The following ATOH8 variants were observed in gnomAD, a reference collection of about 807,000 sequenced individuals.
The protein encoded by ATOH8 is transcription factor ATOH8.
ATOH8 carries 9 observed loss-of-function variants against 21.2 expected under a neutral mutation model. The ratio of observed to expected loss-of-function variants is 0.42; its 90% CI spans 0.26 to 0.74. The LOEUF is 0.74. ATOH8 is among the 30% of genes least tolerant of loss of function. The pLI is 0.24. For synonymous variants in ATOH8, 253 were observed against 224.0 expected, an observed-to-expected ratio of 1.13 and a Z score of -1.16; for missense variants, 524 against 470.9, an observed-to-expected ratio of 1.11 and a Z score of -1.04.
At chr2:85,775,879 A>G (rs1385196906) in intron 2 of ATOH8, among the ~76,000 whole-genome samples, 1 of 152,140 alleles carries the variant, frequency 6.6e-6, no homozygotes, top group Non-Finnish European at 1.5e-5. Context: ...AACTGTTGTC[A>G]TTACCTTAAC....
chr2:85,779,038 CGGGTGCCTCCTCCAGCCT>C (rs1402462044), intron 2 of ATOH8, among the ~76,000 whole-genome samples: 27 of 151,336 alleles, frequency 1.8e-4, no homozygotes, highest in African/African-American at 5.1e-4. Context: ...TACTCCAGCC[CGGGTGCCTCCTCCAGCCT>C]GGGTGCCTCC....
In ATOH8 at chr2:85,791,309, C is replaced by T. The variant is rs7605132; in HGVS notation, c.*4419C>T. Among the ~76,000 whole-genome samples the T allele has an allele frequency of 0.073, 11,051 of 152,256 alleles. 1,350 individuals carry two copies. The highest frequency in any genetic ancestry group is 0.25 in the African/African-American group (10,534 of 41,502). ...CTAATTCAACCCCTGATCCTCGAAA[C>T]GGCTTTCTTGCAAAGTGTATATATT... On this transcript the variant is annotated 3_prime_UTR_variant, in exon 3 of 3. Coordinates refer to ENST00000306279, the MANE Select transcript of ATOH8 (RefSeq NM_032827.7).
chr2:85,764,534 A>G (rs1388825373), intron 2 of ATOH8, among the ~76,000 whole-genome samples: 1 of 152,208 alleles, frequency 6.6e-6, no homozygotes. Flanking sequence ...ATGTCATACC[A>G]GGACAAGATT....
At chr2:85,781,108 C>G (rs1680476348) in intron 2 of ATOH8, 1 of 984,846 alleles carries the variant, frequency 1.0e-6, no homozygotes, top group Admixed American at 6.1e-5. Context: ...AAGAAAACAC[C>G]AGTGCAGCTT....
chr2:85,775,021 C>G (rs1445393263), intron 2 of ATOH8: 1 of 985,282 alleles, frequency 1.0e-6, no homozygotes, highest in South Asian at 4.7e-5. Flanking sequence ...ATGTGATATG[C>G]TTTTAAAGTA....
chr2:85,769,160 A>G (rs1180081999), intron 2 of ATOH8, among the ~76,000 whole-genome samples: 1 of 151,174 alleles, frequency 6.6e-6, no homozygotes, highest in Non-Finnish European at 1.5e-5. Context: ...ATTTTGCACA[A>G]ACCAGGGCAT....
intron 2 of ATOH8, chr2:85,772,767 T>C (rs2104520966): frequency 2.2e-6 from 1 of 456,890 alleles, no homozygotes; most frequent in Non-Finnish European, 4.4e-6. Flanking sequence ...AATTCTTGTT[T>C]CTCAGGCGCC....
At chr2:85,754,994 G>A (rs1453807540) in intron 1 of ATOH8, 37 bp downstream of exon 1, 1 of 1,547,192 alleles carries the variant, frequency 6.5e-7, no homozygotes, top group Non-Finnish European at 8.7e-7. Context: ...ACTGCGCCGG[G>A]GGACGACTGC....
chr2:85,768,977 G>A (rs1022361309), intron 2 of ATOH8, among the ~76,000 whole-genome samples: 4 of 152,186 alleles, frequency 2.6e-5, no homozygotes, highest in African/African-American at 4.8e-5. Flanking sequence ...GATAATGCAC[G>A]TTAAGCACCT....
intron 2 of ATOH8, among the ~76,000 whole-genome samples, chr2:85,772,417 C>A (rs891994481): frequency 6.6e-6 from 1 of 152,070 alleles, no homozygotes; most frequent in African/African-American, 2.4e-5. Flanking sequence ...GCGGCCCCCC[C>A]TCCTGGCAGC....
At position 85,789,942 on chromosome 2, in the gene ATOH8, T is replaced by C. The variant is rs1914821; in HGVS notation, c.*3052T>C. 0.5 allele frequency among the ~76,000 whole-genome samples: 75,519 copies of C among 152,072 alleles called. 20,327 individuals carry two copies. The highest frequency in any genetic ancestry group is 0.7 in the African/African-American group (29,183 of 41,454). ...TTGTGTTCGTATGCACACACATGCA[T>C]ACTCTCTCTCATGGGCACATGCATA... On this transcript the variant is annotated 3_prime_UTR_variant, in exon 3 of 3. Transcript: ENST00000306279.
In ATOH8 at chr2:85,788,203, GTGTC is replaced by G. The variant is rs1247585517; in HGVS notation, c.*1317_*1320del. ...AGGCGCTGTCCGAGTGAGAGTGTGTGTGTCTGTGTGTGGAAGGGGGTGGAGGGCG... is the reference window on the plus strand; with the variant it reads ...AGGCGCTGTCCGAGTGAGAGTGTGTGTGTGTGTGGAAGGGGGTGGAGGGCG... On this transcript the variant is annotated 3_prime_UTR_variant, in exon 3 of 3. Coordinates refer to ENST00000306279, the MANE Select transcript of ATOH8 (RefSeq NM_032827.7). 6.6e-6 allele frequency: 1 copy of G among 152,188 alleles called. No homozygotes were observed. Among genetic ancestry groups the G allele is most frequent in the Non-Finnish European group, 1.5e-5 (1 of 68,114 alleles). 9.4% of individuals were successfully genotyped at this position (152,188 alleles called of 1,614,324 possible).
chr2:85,763,821 C>CGTGTGTGTGTGTGTGTGT (rs61491730), intron 1 of ATOH8, among the ~76,000 whole-genome samples, 170 bp from the exon 2 acceptor site: 22 of 143,868 alleles, frequency 1.5e-4, no homozygotes, highest in Middle Eastern at 3.5e-3. Flanking sequence ...GATGAGCTGA[C>CGTGTGTGTGTGTGTGTGT]GTGTGTGTGT....
In ATOH8 at chr2:85,754,739, C is replaced by G. The variant is rs751905216; in HGVS notation, c.550C>G (p.Pro184Ala). Residue 184 changes from proline (P) to alanine (A), a missense_variant, in exon 1 of 3, where the codon CCG (proline) becomes GCG (alanine). Transcript: ENST00000306279. ...GGAGTCCACTGTGCGCCCTGCGCCC[C>G]CGACGCGCCCCGGGGAAAGTTCCTA... ...PPESTVRPAP[P>A]TRPGESSYSS... is the part of the protein sequence containing the mutation. 6.8e-6 allele frequency: 11 copies of G among 1,612,578 alleles called. No individual in the cohort carries two copies. In the African/African-American group the frequency reaches 8.0e-5, roughly 12 times the overall value.
intron 2 of ATOH8, among the ~76,000 whole-genome samples, chr2:85,779,090 C>T (rs540891020): frequency 6.1e-4 from 93 of 152,342 alleles, no homozygotes; most frequent in Middle Eastern, 3.4e-3. Flanking sequence ...CCCCCTCCAG[C>T]CTGGGTGCCC....
chr2:85,754,865 G>A lies in ATOH8; in HGVS notation c.676G>A (p.Ala226Thr), dbSNP rs1353706416. ...EATAASSEIK[A>T]LQQTRRLLAN... ...GACTGCCGCCTCCTCCGAGATCAAAGCCCTGCAGCAGACCCGGAGGCTCCT... is the reference window on the plus strand; with the variant it reads ...GACTGCCGCCTCCTCCGAGATCAAAACCCTGCAGCAGACCCGGAGGCTCCT... Residue 226 changes from alanine (A) to threonine (T), a missense_variant, in exon 1 of 3, where the codon GCC becomes ACC. By Grantham distance (58) the Ala-to-Thr change is moderately conservative. Transcript: ENST00000306279. The A allele has an allele frequency of 1.2e-6, 2 of 1,612,208 alleles. No individual in the cohort carries two copies. The highest frequency in any genetic ancestry group is 1.7e-5 in the Admixed American group (1 of 60,030).
At position 85,772,239 on chromosome 2, in the gene ATOH8, G is replaced by A. The variant is rs115367244; in HGVS notation, c.960+8057G>A. Among the ~76,000 whole-genome samples, 675 of 152,356 alleles carry A rather than the reference G, an allele frequency of 4.4e-3. 6 individuals carry two copies. Among genetic ancestry groups the A allele is most frequent in the African/African-American group, 0.015 (641 of 41,586 alleles). On this transcript the variant is annotated intron_variant, in intron 2 of 2. Coordinates refer to ENST00000306279, the MANE Select transcript of ATOH8 (RefSeq NM_032827.7). ...CGGGCACCCCCAGCTTTGTGCCGCCGGCGAGGACTGACACCAGGTTAAGTC... is the reference window on the plus strand; with the variant it reads ...CGGGCACCCCCAGCTTTGTGCCGCCAGCGAGGACTGACACCAGGTTAAGTC...
chr2:85,764,556 G>A (rs1679955693), intron 2 of ATOH8, among the ~76,000 whole-genome samples: 1 of 152,220 alleles, frequency 6.6e-6, no homozygotes, highest in Admixed American at 6.5e-5. Flanking sequence ...CCCTGAGCAG[G>A]GTGACAGCCC....
At chr2:85,786,850 A>T (rs1558619781) in intron 2 of ATOH8, 35 bp from the exon 3 acceptor site, 1 of 1,613,714 alleles carries the variant, frequency 6.2e-7, no homozygotes, top group Admixed American at 1.7e-5. Context: ...CAGGTGGAGC[A>T]GGGGCAGCTT....
Sources: gnomAD v4.1 joint callset for allele counts (sites outside exome capture counted in the v4.1 genomes callset) on GRCh38, gnomAD v4.1.1 for gene constraint, MANE v1.5 for transcripts, NCBI Gene and HGNC (gene_info 2026-07-23, HGNC 2026-07-21) for gene names.